AIG1: variants seen among roughly 807,000 people sequenced by gnomAD.
AIG1 encodes the protein androgen-induced gene 1 protein.
In AIG1, 23 loss-of-function variants were observed where a neutral mutation model predicts 31.4. The ratio of observed to expected loss-of-function variants is 0.73; its 90% CI spans 0.53 to 1.04. The LOEUF is 1.04. Among genes scored for constraint, AIG1 ranks in the 50% least tolerant of loss-of-function variants. The pLI is 0.00. For synonymous variants in AIG1, 100 were observed against 110.5 expected (o/e 0.90, Z 0.60); for missense variants, 274 against 295.0 (o/e 0.93, Z 0.52).
intron 2 of AIG1, among the ~76,000 whole-genome samples, chr6:143,152,691 G>A (rs1785345869): frequency 6.6e-6 from 1 of 152,116 alleles, no homozygotes; most frequent in Non-Finnish European, 1.5e-5. Context: ...CACCTTATGG[G>A]ATGATCTCAC....
chr6:143,091,906 A>G (rs1779339385), intron 1 of AIG1, among the ~76,000 whole-genome samples: 2 of 152,174 alleles, frequency 1.3e-5, no homozygotes, highest in South Asian at 4.1e-4. Context: ...GTAAATTCCA[A>G]GATAGTCATA....
intron 3 of AIG1, among the ~76,000 whole-genome samples, chr6:143,278,494 A>C (rs150574220): frequency 7.4e-6 from 1 of 134,856 alleles, no homozygotes; most frequent in African/African-American, 2.8e-5. Context: ...TTTGAGACTG[A>C]GTCTCGCTCT....
intron 3 of AIG1, among the ~76,000 whole-genome samples, chr6:143,281,397 G>A (rs976854982): frequency 1.3e-5 from 2 of 152,194 alleles, no homozygotes; most frequent in Admixed American, 6.5e-5. Flanking sequence ...AACACTAAGA[G>A]TGCTGTTCTT....
intron 1 of AIG1, among the ~76,000 whole-genome samples, chr6:143,120,412 G>A (rs973190111): frequency 6.6e-6 from 1 of 152,136 alleles, no homozygotes; most frequent in Admixed American, 6.5e-5. Flanking sequence ...AGAAAAAGAG[G>A]TTTAATGGAC....
At chr6:143,236,662 C>G (rs748093728) in intron 3 of AIG1, among the ~76,000 whole-genome samples, 14 of 152,210 alleles carry the variant, frequency 9.2e-5, no homozygotes, top group Non-Finnish European at 2.1e-4. Flanking sequence ...AGGCTCCAGT[C>G]CTTTGTGTCA....
At chr6:143,123,049 T>A (rs1782375475) in intron 1 of AIG1, among the ~76,000 whole-genome samples, 1 of 152,076 alleles carries the variant, frequency 6.6e-6, no homozygotes, top group African/African-American at 2.4e-5. Flanking sequence ...CTGGGCACTG[T>A]TGAAAAAACA....
chr6:143,129,017 C>T (rs374319698), intron 1 of AIG1, among the ~76,000 whole-genome samples: 7 of 152,138 alleles, frequency 4.6e-5, no homozygotes, highest in African/African-American at 7.2e-5. Context: ...AATGGCTGGG[C>T]GCGGTGGCTC....
chr6:143,065,349 G>A (rs1776602906), intron 1 of AIG1, among the ~76,000 whole-genome samples: 1 of 152,158 alleles, frequency 6.6e-6, no homozygotes, highest in Admixed American at 6.5e-5. Flanking sequence ...AACATGTCAG[G>A]CCAGGAGAAG....
At chr6:143,133,443 G>T (rs1353009420) in intron 1 of AIG1, among the ~76,000 whole-genome samples, 2 of 152,066 alleles carry the variant, frequency 1.3e-5, no homozygotes, top group Non-Finnish European at 2.9e-5. Flanking sequence ...CTTGTAGTAG[G>T]TAGACTTCTA....
At chr6:143,286,608 C>T (rs1797695317) in intron 4 of AIG1, among the ~76,000 whole-genome samples, 1 of 152,172 alleles carries the variant, frequency 6.6e-6, no homozygotes, top group Non-Finnish European at 1.5e-5. Flanking sequence ...CGTGACACAA[C>T]AGCCAAAGGT....
At chr6:143,070,244 C>G (rs1777128790) in intron 1 of AIG1, among the ~76,000 whole-genome samples, 1 of 152,260 alleles carries the variant, frequency 6.6e-6, no homozygotes. Flanking sequence ...TTAATTGAAT[C>G]TATAAAACGA....
At chr6:143,101,526 A>G (rs1436994412) in intron 1 of AIG1, among the ~76,000 whole-genome samples, 1 of 152,030 alleles carries the variant, frequency 6.6e-6, no homozygotes, top group Non-Finnish European at 1.5e-5. Context: ...GAAGGGGAGG[A>G]GACTGGAGAC....
At chr6:143,287,737 TAAAAAAA>T (rs59551903) in intron 4 of AIG1, among the ~76,000 whole-genome samples, 17 of 78,044 alleles carry the variant, frequency 2.2e-4, no homozygotes, top group South Asian at 1.2e-3. Flanking sequence ...CTGACTACAG[TAAAAAAA>T]AAAAAAAAAA....
At chr6:143,164,744 C>T (rs571626460) in intron 2 of AIG1, among the ~76,000 whole-genome samples, 7 of 152,300 alleles carry the variant, frequency 4.6e-5, no homozygotes, top group Admixed American at 1.3e-4. Flanking sequence ...GAAAAAACCA[C>T]CAGTGAACTT....
At chr6:143,198,090 C>T (rs1050851329) in intron 3 of AIG1, among the ~76,000 whole-genome samples, 1 of 152,136 alleles carries the variant, frequency 6.6e-6, no homozygotes, top group Non-Finnish European at 1.5e-5. Context: ...GACCTATGTG[C>T]AAAGAGAGCC....
intron 1 of AIG1, among the ~76,000 whole-genome samples, chr6:143,077,461 G>T (rs1562350245): frequency 6.6e-6 from 1 of 152,140 alleles, no homozygotes; most frequent in Non-Finnish European, 1.5e-5. Flanking sequence ...ATTTTTGCTG[G>T]ATATAAAGTT....
chr6:143,247,230 C>A (rs572627307), intron 3 of AIG1, among the ~76,000 whole-genome samples: 2 of 152,182 alleles, frequency 1.3e-5, no homozygotes, highest in Non-Finnish European at 2.9e-5. Context: ...CTCCTGGGTT[C>A]AGGCGATTCC....
At position 143,284,264 on chromosome 6, in the gene AIG1, A is replaced by T. The variant is rs754644942; in HGVS notation, c.515+39A>T. The stretch of plus-strand genomic sequence containing the variant: ...CTGCTGGGCTTTCTTATTGTATTAG[A>T]TTTTGCACTGCTAAATTTGGGCACA... On this transcript the variant is annotated intron_variant, in intron 4 of 5. Coordinates refer to ENST00000357847, the MANE Select transcript of AIG1 (RefSeq NM_016108.4). The surrounding 1 kb of genome is among the most constrained non-coding windows in gnomAD (Gnocchi z 4.4). 2.7e-6 allele frequency: 4 copies of T among 1,455,576 alleles called. No individual in the cohort carries two copies. In the African/African-American group the frequency reaches 5.6e-5, roughly 20 times the overall value. 90.2% of individuals were successfully genotyped at this position (1,455,576 alleles called of 1,614,324 possible).
At chr6:143,308,106 T>C (rs902567497) in intron 4 of AIG1, among the ~76,000 whole-genome samples, 2 of 152,240 alleles carry the variant, frequency 1.3e-5, no homozygotes, top group African/African-American at 4.8e-5. Context: ...AGGTGCCGTC[T>C]GTCACCCATT....
Sources: gnomAD v4.1 joint callset for allele counts (sites outside exome capture counted in the v4.1 genomes callset) on GRCh38, gnomAD v4.1.1 for gene constraint, Gnocchi (gnomAD v3.1) non-coding constraint, MANE v1.5 for transcripts, NCBI Gene and HGNC (gene_info 2026-07-23, HGNC 2026-07-21) for gene names.